The following ZFP41 variants were observed in gnomAD, a reference collection of about 807,000 sequenced individuals.
ZFP41 encodes ZFP41 zinc finger protein, also known as zinc finger protein 41 homolog.
ZFP41 carries 10 observed loss-of-function variants against 11.6 expected under a neutral mutation model. That is an observed-to-expected ratio of 0.86 (90% CI 0.53 to 1.47). ZFP41 has a LOEUF of 1.47. Ranked by LOEUF, ZFP41 falls within the 40% of genes most tolerant of loss-of-function variation. The pLI, the probability that ZFP41 is intolerant of heterozygous loss-of-function variation, is 0.00. For missense variants in ZFP41, 302 were observed against 264.6 expected (o/e 1.14, Z -0.98); for synonymous variants, 123 against 100.9 (o/e 1.22, Z -1.31).
At position 143,262,416 on chromosome 8, in the gene ZFP41, C is replaced by G. The variant is rs575911261; in HGVS notation, c.*3542C>G. 3.3e-4 allele frequency: 50 copies of G among 152,520 alleles called. No homozygotes were observed. The highest frequency in any genetic ancestry group is 1.1e-3 in the African/African-American group (47 of 41,572). 9.4% of individuals were successfully genotyped at this position (152,520 alleles called of 1,614,324 possible). A position where few individuals can be genotyped will look rare whatever the true frequency, so the allele number is the denominator to read the frequency against. ...GCCTCTCGTGTTGGTGGCAGATGTC[C>G]CATTTCCCAGTTACTTTCTGTTGTC... On this transcript the variant is annotated 3_prime_UTR_variant, in exon 3 of 3. Transcript: ENST00000330701.
Position 143,262,050 on chromosome 8 carries a change from C to G in ZFP41, c.*3176C>G, listed in dbSNP as rs1815059529. 6.4e-6 allele frequency: 1 copy of G among 156,148 alleles called. No homozygotes were observed. Among genetic ancestry groups the G allele is most frequent in the African/African-American group, 2.9e-5 (1 of 34,930 alleles). 9.7% of individuals were successfully genotyped at this position (156,148 alleles called of 1,614,324 possible). A position where few individuals can be genotyped will look rare whatever the true frequency, so the allele number is the denominator to read the frequency against. ...GCACCCGCACCCCTCACGGCTGTCTCCGGCAGCCCCTGCCCGCGCCCGCAC... is the reference window on the plus strand; with the variant it reads ...GCACCCGCACCCCTCACGGCTGTCTGCGGCAGCCCCTGCCCGCGCCCGCAC... On this transcript the variant is annotated 3_prime_UTR_variant, in exon 3 of 3. Transcript: ENST00000330701.
At chr8:143,255,660 G>A (rs1186539101) in intron 2 of ZFP41, among the ~76,000 whole-genome samples, 3 of 120,788 alleles carry the variant, frequency 2.5e-5, no homozygotes, top group South Asian at 3.0e-4. Context: ...ATCAGGGCTC[G>A]CCCCACGTGC....
chr8:143,250,336 C>G lies in ZFP41; in HGVS notation c.493C>G (p.His165Asp). 1 of 1,614,016 alleles carries G rather than the reference C, an allele frequency of 6.2e-7. No individual in the cohort carries two copies. Among genetic ancestry groups the G allele is most frequent in the Non-Finnish European group, 8.5e-7 (1 of 1,180,022 alleles). ...GSNLLKHQKTHTGEKPYECTH... is the reference protein window; with the variant it reads ...GSNLLKHQKTDTGEKPYECTH... ...CAATCTCCTGAAACATCAGAAGACG[C>G]ACACCGGGGAGAAGCCCTACGAATG... is the stretch of plus-strand genomic sequence containing the variant. Residue 165 changes from histidine (H) to aspartate (D), a missense_variant, in exon 2 of 3, where the codon CAC becomes GAC. Physicochemically the swap from His to Asp is moderately conservative, Grantham distance 81. Coordinates refer to ENST00000330701, the MANE Select transcript of ZFP41 (RefSeq NM_173832.6).
At position 143,259,056 on chromosome 8, in the gene ZFP41, G is replaced by A. The variant is rs1285509739; in HGVS notation, c.*901-719G>A. 2.6e-5 allele frequency among the ~76,000 whole-genome samples: 4 copies of A among 152,226 alleles called. No individual in the cohort carries two copies. The East Asian group carries it at 5.8e-4, about 22-fold the overall frequency. ...TGCACGCAGCCAGAGACACAACAAC[G>A]TTCATGGCATGCACTGTCAGGAAAG... is the stretch of plus-strand genomic sequence containing the variant. On this transcript the variant is annotated intron_variant, in intron 2 of 2. Transcript: ENST00000330701.
intron 2 of ZFP41, among the ~76,000 whole-genome samples, chr8:143,252,231 T>A (rs1424467509): frequency 6.6e-6 from 1 of 152,222 alleles, no homozygotes; most frequent in Non-Finnish European, 1.5e-5. Flanking sequence ...GCCCAGCCCG[T>A]CACCTGCTCA....
Position 143,250,394 on chromosome 8 carries a change from C to G in ZFP41, c.551C>G (p.Ser184Cys). 1 of 1,613,214 alleles carries G rather than the reference C, an allele frequency of 6.2e-7. No individual in the cohort carries two copies. The highest frequency in any genetic ancestry group is 8.5e-7 in the Non-Finnish European group (1 of 1,179,440). Residue 184 changes from serine (S) to cysteine (C), a missense_variant, in exon 2 of 3, where the codon TCC (serine) becomes TGC (cysteine). Coordinates refer to ENST00000330701, the MANE Select transcript of ZFP41 (RefSeq NM_173832.6). ...TGTGGGAAAGCCTTTGCCTACAGCT[C>G]CTGTCTCATCCGCCATCAGAAACGC... The part of the protein sequence containing the change: ...THCGKAFAYS[S>C]CLIRHQKRHP...
intron 2 of ZFP41, among the ~76,000 whole-genome samples, chr8:143,259,204 G>T (rs1202615180): frequency 6.6e-6 from 1 of 152,260 alleles, no homozygotes; most frequent in East Asian, 1.9e-4. Flanking sequence ...CTACGTGACA[G>T]ACACACACTG....
intron 2 of ZFP41, chr8:143,252,788 G>A (rs1814805733): frequency 4.4e-6 from 1 of 229,082 alleles, no homozygotes; most frequent in Non-Finnish European, 7.2e-6. Flanking sequence ...GCATGGGGGT[G>A]AGGGGGTGAG....
At chr8:143,259,247 C>T (rs575024106) in intron 2 of ZFP41, among the ~76,000 whole-genome samples, 5 of 152,262 alleles carry the variant, frequency 3.3e-5, no homozygotes, top group African/African-American at 7.2e-5. Context: ...AGACACACGG[C>T]GTGATTTTAA....
At chr8:143,247,722 T>C (rs559171578) in intron 1 of ZFP41, 1 of 152,372 alleles carries the variant, frequency 6.6e-6, no homozygotes, top group South Asian at 2.1e-4. Context: ...TGTAACTAGC[T>C]AATCACTCCT....
intron 1 of ZFP41, 29 bp from the exon 2 acceptor site, chr8:143,249,661 C>G: frequency 1.0e-6 from 1 of 985,328 alleles, no homozygotes; most frequent in Non-Finnish European, 1.4e-6. Context: ...AACCTTTAAT[C>G]TGAGGTTCAT....
At chr8:143,257,287 T>C (rs1002904810) in intron 2 of ZFP41, among the ~76,000 whole-genome samples, 1 of 151,660 alleles carries the variant, frequency 6.6e-6, no homozygotes, top group African/African-American at 2.4e-5. Flanking sequence ...AGGACAGGAG[T>C]TCAAGACAAG....
At chr8:143,248,275 T>A (rs1231442067) in intron 1 of ZFP41, 1 of 152,046 alleles carries the variant, frequency 6.6e-6, no homozygotes, top group Non-Finnish European at 1.5e-5. Flanking sequence ...GTGACTAGGA[T>A]TTGGAGATAA....
intron 2 of ZFP41, among the ~76,000 whole-genome samples, chr8:143,258,179 G>C (rs1814955613): frequency 6.6e-6 from 1 of 152,168 alleles, no homozygotes; most frequent in Non-Finnish European, 1.5e-5. Flanking sequence ...TTAAAAATTA[G>C]GTATGGTGGC....
chr8:143,248,062 C>T (rs960280103), intron 1 of ZFP41: 1 of 152,230 alleles, frequency 6.6e-6, no homozygotes, highest in African/African-American at 2.4e-5. Flanking sequence ...TCGTGATCCG[C>T]CCACCTCGGC....
chr8:143,261,706 G>T lies in ZFP41; in HGVS notation c.*2832G>T, dbSNP rs1815042931. 2 of 180,820 alleles carry T rather than the reference G, an allele frequency of 1.1e-5. No homozygotes were observed. The highest frequency in any genetic ancestry group is 2.3e-5 in the Non-Finnish European group (2 of 86,318). 11.2% of individuals were successfully genotyped at this position (180,820 alleles called of 1,614,324 possible). ...ACCCCTGCAGGCCGCTCAGGGCAGG[G>T]CTCTGGCCTGACGGGGGTTCCTGGA... On this transcript the variant is annotated 3_prime_UTR_variant, in exon 3 of 3. Transcript: ENST00000330701.
intron 2 of ZFP41, among the ~76,000 whole-genome samples, chr8:143,258,112 G>T (rs868354958): frequency 1.3e-5 from 2 of 152,212 alleles, no homozygotes; most frequent in African/African-American, 2.4e-5. Flanking sequence ...GATCGATTGA[G>T]CTCAGGAGTT....
chr8:143,248,253 T>G (rs1816729036), intron 1 of ZFP41: 1 of 152,266 alleles, frequency 6.6e-6, no homozygotes, highest in African/African-American at 2.4e-5. Flanking sequence ...GAATGTTCCC[T>G]GACCACAGTA....
intron 1 of ZFP41, 116 bp from the exon 2 acceptor site, chr8:143,249,574 A>G (rs1279535339): frequency 2.6e-6 from 1 of 385,916 alleles, no homozygotes; most frequent in African/African-American, 2.0e-5. Context: ...GAGATCAGCA[A>G]TGCCGTTTGA....
Sources: gnomAD v4.1 joint callset for allele counts (sites outside exome capture counted in the v4.1 genomes callset) on GRCh38, gnomAD v4.1.1 for gene constraint, MANE v1.5 for transcripts, NCBI Gene and HGNC (gene_info 2026-07-23, HGNC 2026-07-21) for gene names.